Variants in HSDL2 observed in about 807,000 individuals in gnomAD.
HSDL2 encodes the protein hydroxysteroid dehydrogenase-like protein 2.
HSDL2 carries 27 observed loss-of-function variants against 46.3 expected under a neutral mutation model. The ratio of observed to expected loss-of-function variants is 0.58; its 90% CI spans 0.43 to 0.80. The LOEUF (loss-of-function observed/expected upper bound fraction) is 0.80, where lower values mean the gene tolerates loss of function less well. Ranked by LOEUF, HSDL2 falls within the 30% of genes least tolerant of loss-of-function variation. HSDL2 has a pLI of 0.00. For missense variants in HSDL2, 451 were observed against 502.7 expected (o/e 0.90, Z 0.98); for synonymous variants, 153 against 163.6 (o/e 0.94, Z 0.50).
At chr9:112,389,454 G>C (rs1831290548) in intron 1 of HSDL2, among the ~76,000 whole-genome samples, 1 of 151,312 alleles carries the variant, frequency 6.6e-6, no homozygotes. Context: ...TGAAGGATAT[G>C]TGAATATTTT....
intron 4 of HSDL2, among the ~76,000 whole-genome samples, chr9:112,416,478 T>G (rs1229815153): frequency 6.6e-6 from 1 of 150,758 alleles, no homozygotes; most frequent in Non-Finnish European, 1.5e-5. Flanking sequence ...GTCGCAGTGG[T>G]TCACACCTGT....
At chr9:112,416,776 A>G in intron 4 of HSDL2, 65 bp from the exon 5 acceptor site, 1 of 795,612 alleles carries the variant, frequency 1.3e-6, no homozygotes, top group South Asian at 1.6e-5. Flanking sequence ...CCCTCTCTTA[A>G]AAAAAAAAGT....
Position 112,439,433 on chromosome 9 carries a change from AAAGTG to A in HSDL2, c.793+810_793+814del, listed in dbSNP as rs533477142. Among the ~76,000 whole-genome samples the A allele has an allele frequency of 2.6e-3, 395 of 152,322 alleles. 4 individuals carry two copies. The highest frequency in any genetic ancestry group is 0.014 in the Middle Eastern group (4 of 294). On this transcript the variant is annotated intron_variant, in intron 7 of 10. Transcript: ENST00000398805. Reference sequence around the variant, plus strand: ...GGGCAGGCTCTGTCTCATGGACAGTAAAGTGATCTGAGAAGCTTCTAGAAAGCCCT... The same window carrying A: ...GGGCAGGCTCTGTCTCATGGACAGTAATCTGAGAAGCTTCTAGAAAGCCCT...
In HSDL2 at chr9:112,414,574, A is replaced by G. The variant is rs769395298; in HGVS notation, c.396-2267A>G. 7.5e-4 allele frequency among the ~76,000 whole-genome samples: 109 copies of G among 145,712 alleles called. 1 individual carries two copies. The highest frequency in any genetic ancestry group is 1.5e-3 in the Non-Finnish European group (96 of 66,134). Reference sequence around the variant, plus strand: ...TCCAGGCCAGCAAAGTGCAGATGGAAAGGTCTTGTCCCATAGATCAAAGGA... The same window carrying G: ...TCCAGGCCAGCAAAGTGCAGATGGAGAGGTCTTGTCCCATAGATCAAAGGA... On this transcript the variant is annotated intron_variant, in intron 4 of 10. Transcript: ENST00000398805.
chr9:112,405,942 C>G (rs577672001), intron 3 of HSDL2, among the ~76,000 whole-genome samples: 2 of 152,188 alleles, frequency 1.3e-5, no homozygotes, highest in Admixed American at 1.3e-4. Context: ...AGGCAGATCA[C>G]TTGAGGTCAG....
At chr9:112,419,647 C>G (rs1440062161) in intron 6 of HSDL2, among the ~76,000 whole-genome samples, 1 of 152,194 alleles carries the variant, frequency 6.6e-6, no homozygotes, top group East Asian at 1.9e-4. Flanking sequence ...CTAACAAATG[C>G]TTTTTAACAT....
At chr9:112,455,759 T>C in intron 9 of HSDL2, among the ~76,000 whole-genome samples, 1 of 152,224 alleles carries the variant, frequency 6.6e-6, no homozygotes, top group Non-Finnish European at 1.5e-5. Context: ...CCTGCCAGTG[T>C]CAGCAGATAA....
intron 3 of HSDL2, 123 bp downstream of exon 3, chr9:112,405,845 C>A (rs976171803): frequency 3.1e-6 from 2 of 636,040 alleles, no homozygotes; most frequent in Non-Finnish European, 5.4e-6. Context: ...TACGTATTTG[C>A]TCACACAGAA....
chr9:112,441,815 C>G lies in HSDL2; in HGVS notation c.865+45C>G, dbSNP rs940255427. On this transcript the variant is annotated intron_variant, in intron 8 of 10. Coordinates refer to ENST00000398805, the MANE Select transcript of HSDL2 (RefSeq NM_032303.5). Reference sequence around the variant, plus strand: ...TTATGTTAGAAAATATAAATCCTAACTTATGTATTTCTTCCAAAATATGGA... The same window carrying G: ...TTATGTTAGAAAATATAAATCCTAAGTTATGTATTTCTTCCAAAATATGGA... The G allele has an allele frequency of 3.2e-6, 4 of 1,233,914 alleles. No homozygotes were observed. The African/African-American group carries it at 6.0e-5, about 19-fold the overall frequency. The allele number at this position is 1,233,914 out of a possible 1,614,324, so 76.4% of individuals were successfully genotyped here.
At position 112,399,946 on chromosome 9, in the gene HSDL2, C is replaced by T. The variant is rs868824346; in HGVS notation, c.18-4049C>T. On this transcript the variant is annotated intron_variant, in intron 1 of 10. Coordinates refer to ENST00000398805, the MANE Select transcript of HSDL2 (RefSeq NM_032303.5). Reference sequence around the variant, plus strand: ...TGAGGTGACGTACATCCTCAGCTTACGAAGATAACAGGATTAAGAGATTAA... The same window carrying T: ...TGAGGTGACGTACATCCTCAGCTTATGAAGATAACAGGATTAAGAGATTAA... Among the ~76,000 whole-genome samples, 10 of 152,190 alleles carry T rather than the reference C, an allele frequency of 6.6e-5. No individual in the cohort carries two copies. The South Asian group carries it at 8.3e-4, about 13-fold the overall frequency.
At chr9:112,404,862 T>C (rs1282611877) in intron 2 of HSDL2, among the ~76,000 whole-genome samples, 1 of 152,170 alleles carries the variant, frequency 6.6e-6, no homozygotes, top group Non-Finnish European at 1.5e-5. Context: ...GCATGTGAAG[T>C]GTTTATGAGT....
chr9:112,414,611 T>C (rs1374017816), intron 4 of HSDL2, among the ~76,000 whole-genome samples: 1 of 152,172 alleles, frequency 6.6e-6, no homozygotes, highest in Non-Finnish European at 1.5e-5. Flanking sequence ...AGCCCATGTT[T>C]AGAATGTAAA....
chr9:112,461,080 A>AC (rs1175213925), intron 10 of HSDL2, among the ~76,000 whole-genome samples: 68 of 144,696 alleles, frequency 4.7e-4, no homozygotes, highest in African/African-American at 1.6e-3. Flanking sequence ...CCCTTTAATG[A>AC]ATTTTTTTTT....
At chr9:112,446,135 C>T (rs1053010319) in intron 8 of HSDL2, among the ~76,000 whole-genome samples, 3 of 151,176 alleles carry the variant, frequency 2.0e-5, no homozygotes, top group African/African-American at 7.3e-5. Context: ...TTAATTCTTC[C>T]TCATATTAGG....
rs1316543232 is a variant in HSDL2, at chr9:112,464,141, A to G, written c.1144+4564A>G. On this transcript the variant is annotated intron_variant, in intron 10 of 10. Transcript: ENST00000398805. ...CAACACTTTGGGGGGCCAAAGAAAG[A>G]GGATCACTTGAGGCCAGGAGTATGA... 3.9e-5 allele frequency among the ~76,000 whole-genome samples: 6 copies of G among 152,022 alleles called. No individual in the cohort carries two copies. In the South Asian group the frequency reaches 1.2e-3, roughly 32 times the overall value.
At position 112,401,028 on chromosome 9, in the gene HSDL2, A is replaced by AT. The variant is rs1831579105; in HGVS notation, c.18-2967_18-2966insT. ...TGGGGGACACAATTCAATCAATAAC[A>AT]GGGAGATAAGGCCGGGGTTATCTTC... On this transcript the variant is annotated intron_variant, in intron 1 of 10. Coordinates refer to ENST00000398805, the MANE Select transcript of HSDL2 (RefSeq NM_032303.5). Among the ~76,000 whole-genome samples the AT allele has an allele frequency of 2.0e-5, 3 of 152,202 alleles. No homozygotes were observed. The South Asian group carries it at 6.2e-4, about 32-fold the overall frequency.
chr9:112,449,740 C>A (rs1002326240), intron 8 of HSDL2, among the ~76,000 whole-genome samples: 1 of 151,632 alleles, frequency 6.6e-6, no homozygotes, highest in Admixed American at 6.6e-5. Flanking sequence ...TGGTGCACAT[C>A]TGTAATCCCA....
chr9:112,442,762 T>C (rs10817344), intron 8 of HSDL2, among the ~76,000 whole-genome samples: 5 of 151,602 alleles, frequency 3.3e-5, no homozygotes, highest in African/African-American at 7.3e-5. Context: ...TTTTTAGAAG[T>C]CTGATAGAAA....
intron 4 of HSDL2, 43 bp from the exon 5 acceptor site, chr9:112,416,798 T>C (rs1187935791): frequency 2.1e-6 from 2 of 963,078 alleles, no homozygotes; most frequent in Admixed American, 3.8e-5. Flanking sequence ...GAGAAATTGT[T>C]AGAAAGCTAT....
Sources: allele counts gnomAD v4.1 joint callset (sites outside exome capture counted in the v4.1 genomes callset), GRCh38; gene constraint gnomAD v4.1.1; transcripts MANE v1.5; gene names NCBI Gene and HGNC (gene_info 2026-07-23, HGNC 2026-07-21).